PTPRG: variants seen among roughly 807,000 people sequenced by gnomAD.
PTPRG encodes protein tyrosine phosphatase receptor type G, also known as receptor-type tyrosine-protein phosphatase gamma.
PTPRG carries 102 observed loss-of-function variants against 165.3 expected under a neutral mutation model. The observed-to-expected ratio is 0.62, with a 90% CI of 0.53 to 0.73. The LOEUF (loss-of-function observed/expected upper bound fraction) is 0.73, where lower values mean the gene tolerates loss of function less well. PTPRG is among the 30% of genes least tolerant of loss of function. PTPRG has a pLI of 0.00. For missense variants in PTPRG, 1,866 were observed against 1,861.4 expected (o/e 1.00, Z -0.05); for synonymous variants, 675 against 669.5 (o/e 1.01, Z -0.13).
intron 6 of PTPRG, among the ~76,000 whole-genome samples, chr3:62,140,568 C>T (rs1179355593): frequency 1.3e-5 from 2 of 151,912 alleles, no homozygotes; most frequent in Admixed American, 6.6e-5. Flanking sequence ...GAGGAGGGGC[C>T]GGGTGCAATG....
At chr3:61,821,019 G>A (rs1328624675) in intron 2 of PTPRG, among the ~76,000 whole-genome samples, 1 of 151,718 alleles carries the variant, frequency 6.6e-6, no homozygotes, top group Non-Finnish European at 1.5e-5. Flanking sequence ...TTTGGACTTT[G>A]TCTACATTTT....
intron 2 of PTPRG, among the ~76,000 whole-genome samples, chr3:61,929,208 C>G (rs13100121): frequency 6.6e-6 from 1 of 152,154 alleles, no homozygotes; most frequent in African/African-American, 2.4e-5. Flanking sequence ...ATAAAGCCTT[C>G]TTTTTTAAAA....
intron 2 of PTPRG, among the ~76,000 whole-genome samples, chr3:61,801,859 A>C (rs763028311): frequency 2.6e-5 from 4 of 152,088 alleles, no homozygotes; most frequent in Non-Finnish European, 5.9e-5. Context: ...CTCTACTAAA[A>C]ATACACACAC....
intron 2 of PTPRG, among the ~76,000 whole-genome samples, chr3:61,910,597 T>C (rs1203696157): frequency 6.6e-6 from 1 of 152,162 alleles, no homozygotes; most frequent in East Asian, 1.9e-4. Context: ...TTTTCTTAAT[T>C]ATGTTTAAGA....
chr3:62,227,931 T>C (rs959359007), intron 13 of PTPRG, among the ~76,000 whole-genome samples: 5 of 152,160 alleles, frequency 3.3e-5, no homozygotes, highest in African/African-American at 1.2e-4. Context: ...AACCGGACAA[T>C]TTAGCAATGT....
At position 61,905,519 on chromosome 3, in the gene PTPRG, C is replaced by T. The variant is rs144374227; in HGVS notation, c.191-84106C>T. ...TTCATTTTCTCAGATTAAAGGTGGTCTTTTAACAGTTAGCATACTTGCTTG... is the reference window on the plus strand; with the variant it reads ...TTCATTTTCTCAGATTAAAGGTGGTTTTTTAACAGTTAGCATACTTGCTTG... On this transcript the variant is annotated intron_variant, in intron 2 of 29. Transcript: ENST00000474889. Among the ~76,000 whole-genome samples the T allele has an allele frequency of 5.9e-3, 892 of 152,248 alleles. 6 individuals carry two copies. The highest frequency in any genetic ancestry group is 0.02 in the African/African-American group (815 of 41,548).
intron 5 of PTPRG, among the ~76,000 whole-genome samples, chr3:62,081,467 C>T (rs886560): frequency 0.29 from 44,301 of 151,562 alleles, 8,416 homozygotes; most frequent in African/African-American, 0.55. Context: ...CAACAGCCTC[C>T]TGAGTAGCCG....
intron 2 of PTPRG, among the ~76,000 whole-genome samples, chr3:61,809,270 A>C (rs769530928): frequency 6.6e-6 from 1 of 151,934 alleles, no homozygotes; most frequent in Non-Finnish European, 1.5e-5. Context: ...TTATATTACC[A>C]TACTAGAAGT....
intron 1 of PTPRG, among the ~76,000 whole-genome samples, chr3:61,705,166 G>A (rs1286495634): frequency 6.6e-6 from 1 of 152,170 alleles, no homozygotes; most frequent in African/African-American, 2.4e-5. Context: ...ATACCCCATA[G>A]GCATCCACCA....
In PTPRG at chr3:61,961,888, G is replaced by A. The variant is rs150234040; in HGVS notation, c.191-27737G>A. On this transcript the variant is annotated intron_variant, in intron 2 of 29. Transcript: ENST00000474889. ...CTTTATCAGGCCTTCCAGGTGATGC[G>A]CATGTGGCTAGAGTTTGAGAAGCAT... Among the ~76,000 whole-genome samples, 207 of 152,238 alleles carry A rather than the reference G, an allele frequency of 1.4e-3. 5 individuals carry two copies. In the South Asian group the frequency reaches 0.024, roughly 18 times the overall value.
chr3:61,812,482 G>C (rs975749045), intron 2 of PTPRG, among the ~76,000 whole-genome samples: 6 of 152,166 alleles, frequency 3.9e-5, no homozygotes, highest in Non-Finnish European at 2.9e-5. Context: ...GCCCAGATTT[G>C]TCATTAAACT....
chr3:61,760,749 T>C (rs979685910), intron 2 of PTPRG, among the ~76,000 whole-genome samples: 1 of 152,180 alleles, frequency 6.6e-6, no homozygotes, highest in African/African-American at 2.4e-5. Flanking sequence ...TTCCTGATGC[T>C]CTCCCTCGCC....
At position 62,017,040 on chromosome 3, in the gene PTPRG, G is replaced by A. The variant is rs1044337365; in HGVS notation, c.519+13543G>A. 3.3e-5 allele frequency among the ~76,000 whole-genome samples: 5 copies of A among 151,918 alleles called. No individual in the cohort carries two copies. In the East Asian group the frequency reaches 7.7e-4, roughly 23 times the overall value. Reference sequence around the variant, plus strand: ...AACTCCCTCCCCCTCCCTCACCCCCGTATACTGCATGTGAGCTTTTAGAGG... The same window carrying A: ...AACTCCCTCCCCCTCCCTCACCCCCATATACTGCATGTGAGCTTTTAGAGG... On this transcript the variant is annotated intron_variant, in intron 4 of 29. Transcript: ENST00000474889.
At chr3:62,092,439 G>GAA (rs55955359) in intron 5 of PTPRG, among the ~76,000 whole-genome samples, 28 of 89,432 alleles carry the variant, frequency 3.1e-4, no homozygotes, top group South Asian at 1.2e-3. Flanking sequence ...GAGTCCATCT[G>GAA]AAAAAAAAAA....
At chr3:61,787,890 A>G (rs927368666) in intron 2 of PTPRG, among the ~76,000 whole-genome samples, 6 of 152,154 alleles carry the variant, frequency 3.9e-5, no homozygotes, top group Non-Finnish European at 8.8e-5. Context: ...AATTCCTGAA[A>G]TTAGGCCATT....
chr3:61,947,803 G>A (rs2039799201), intron 2 of PTPRG, among the ~76,000 whole-genome samples: 1 of 152,158 alleles, frequency 6.6e-6, no homozygotes, highest in Admixed American at 6.5e-5. Flanking sequence ...CTTATCCTTG[G>A]ACCAGTCACC....
intron 5 of PTPRG, among the ~76,000 whole-genome samples, chr3:62,106,721 T>C (rs1432794075): frequency 2.0e-5 from 3 of 152,322 alleles, no homozygotes; most frequent in South Asian, 4.1e-4. Context: ...TTGATATCTT[T>C]GGTGAAACTA....
chr3:61,844,110 T>G (rs59337535), intron 2 of PTPRG, among the ~76,000 whole-genome samples: 50 of 152,140 alleles, frequency 3.3e-4, no homozygotes, highest in African/African-American at 1.2e-3. Flanking sequence ...ATTACAGGCA[T>G]GTGCCCCCAG....
At chr3:62,280,324 C>T (rs7651544) in intron 26 of PTPRG, among the ~76,000 whole-genome samples, 2 of 151,620 alleles carry the variant, frequency 1.3e-5, no homozygotes, top group Non-Finnish European at 2.9e-5. Context: ...ACAGGTGATA[C>T]AAAATCTCCT....
Sources: allele counts gnomAD v4.1 joint callset (sites outside exome capture counted in the v4.1 genomes callset), GRCh38; gene constraint gnomAD v4.1.1; transcripts MANE v1.5; gene names NCBI Gene and HGNC (gene_info 2026-07-23, HGNC 2026-07-21).